PGAP4: variants seen among roughly 807,000 people sequenced by gnomAD.
The protein encoded by PGAP4 is GPI-N-acetylgalactosamine transferase PGAP4.
Under a neutral mutation model 28.2 loss-of-function variants are expected in PGAP4, and 12 were observed. The ratio of observed to expected loss-of-function variants is 0.42; its 90% CI spans 0.27 to 0.69. PGAP4 has a LOEUF of 0.69. PGAP4 is among the 30% of genes least tolerant of loss of function. The probability of loss-of-function intolerance (pLI) is 0.22; values close to 1 mark genes in which losing one functional copy is unlikely to be tolerated. For synonymous variants in PGAP4, 205 were observed against 211.8 expected, an observed-to-expected ratio of 0.97 and a Z score of 0.28; for missense variants, 425 against 513.5, an observed-to-expected ratio of 0.83 and a Z score of 1.67.
At chr9:101,505,673 GT>G (rs1473564767) in intron 2 of PGAP4, among the ~76,000 whole-genome samples, 1 of 152,074 alleles carries the variant, frequency 6.6e-6, no homozygotes, top group Non-Finnish European at 1.5e-5. Flanking sequence ...GAGGGCTAGA[GT>G]TAAAGAATTT....
chr9:101,491,821 A>ATG (rs1554708970), upstream of PGAP4, among the ~76,000 whole-genome samples: 3 of 84,750 alleles, frequency 3.5e-5, no homozygotes, highest in Non-Finnish European at 8.2e-5. Context: ...GGATATATAT[A>ATG]TATATATATA....
chr9:101,477,026 T>G lies in PGAP4; in HGVS notation c.67A>C (p.Thr23Pro). The G allele has an allele frequency of 6.2e-7, 1 of 1,613,158 alleles. No homozygotes were observed. Among genetic ancestry groups the G allele is most frequent in the Non-Finnish European group, 8.5e-7 (1 of 1,179,786 alleles). Residue 23 changes from threonine (T) to proline (P), a missense_variant, in exon 2 of 2, where the codon ACT becomes CCT. Thr to Pro is a conservative substitution (Grantham distance 38). Coordinates refer to ENST00000374848, the MANE Select transcript of PGAP4 (RefSeq NM_032342.3). ...RRLRRLSWGS[T>P]AVQLFILTVV... ...GTTAGGATGAAGAGCTGGACAGCAG[T>G]GCTGCCCCAGGAGAGTCGCCGCAGC...
intron 1 of PGAP4, chr9:101,479,750 C>T (rs1266999507): frequency 6.6e-6 from 1 of 152,220 alleles, no homozygotes; most frequent in Non-Finnish European, 1.5e-5. Flanking sequence ...GTATTTCTTG[C>T]ATACGGGTTT....
rs766662084 is a variant in PGAP4, at chr9:101,474,899, G to C, written c.*982C>G. ...AGGTGAAGAAATTGAGACCCAGAGT[G>C]ATTATATGACCTGCCCAAGGTGGTC... On this transcript the variant is annotated 3_prime_UTR_variant, in exon 2 of 2. Coordinates refer to ENST00000374848, the MANE Select transcript of PGAP4 (RefSeq NM_032342.3). 4.6e-5 allele frequency: 7 copies of C among 151,678 alleles called. No homozygotes were observed. The highest frequency in any genetic ancestry group is 8.8e-5 in the Non-Finnish European group (6 of 67,996). 9.4% of individuals were successfully genotyped at this position (151,678 alleles called of 1,614,324 possible).
chr9:101,496,134 AGTTACAC>A (rs1826745803), intron 2 of PGAP4, among the ~76,000 whole-genome samples: 1 of 151,556 alleles, frequency 6.6e-6, no homozygotes, highest in African/African-American at 2.4e-5. Context: ...TAAAGAATCA[AGTTACAC>A]TGGAGGAAAA....
chr9:101,506,601 T>A (rs752499602), intron 2 of PGAP4, among the ~76,000 whole-genome samples: 7 of 152,050 alleles, frequency 4.6e-5, no homozygotes, highest in Non-Finnish European at 1.0e-4. Context: ...CCATCTGTCC[T>A]AGATACAGAG....
At chr9:101,506,620 C>T (rs961226415) in intron 2 of PGAP4, among the ~76,000 whole-genome samples, 68 of 152,118 alleles carry the variant, frequency 4.5e-4, no homozygotes, top group African/African-American at 8.7e-4. Flanking sequence ...AGGAAGAGGA[C>T]GGTCTACAAA....
At chr9:101,528,863 G>T (rs1827059350) in intron 2 of PGAP4, among the ~76,000 whole-genome samples, 2 of 151,398 alleles carry the variant, frequency 1.3e-5, no homozygotes, top group Non-Finnish European at 2.9e-5. Flanking sequence ...TGTCATGGGG[G>T]TTTGTTGTAC....
chr9:101,524,669 T>C (rs1827018713), intron 2 of PGAP4, among the ~76,000 whole-genome samples: 1 of 152,206 alleles, frequency 6.6e-6, no homozygotes, highest in Non-Finnish European at 1.5e-5. Flanking sequence ...CCTCTACCCC[T>C]GTATTTCACT....
intron 2 of PGAP4, among the ~76,000 whole-genome samples, chr9:101,529,119 C>T (rs1443290979): frequency 1.3e-5 from 2 of 148,298 alleles, no homozygotes; most frequent in Non-Finnish European, 3.0e-5. Flanking sequence ...GACATGATGT[C>T]ATTCTTTTTT....
chr9:101,530,913 T>G (rs546834409), intron 2 of PGAP4, among the ~76,000 whole-genome samples: 36 of 152,178 alleles, frequency 2.4e-4, no homozygotes, highest in Admixed American at 6.5e-4. Flanking sequence ...TTGTTTGTTT[T>G]TTTGGATGAG....
At chr9:101,508,169 A>G (rs1044825302) in intron 2 of PGAP4, among the ~76,000 whole-genome samples, 2 of 146,712 alleles carry the variant, frequency 1.4e-5, no homozygotes, top group Non-Finnish European at 3.0e-5. Context: ...GTTAAAGATC[A>G]GGAAGAAAAC....
At chr9:101,517,549 T>C (rs1420454443) in intron 2 of PGAP4, among the ~76,000 whole-genome samples, 1 of 152,144 alleles carries the variant, frequency 6.6e-6, no homozygotes, top group Non-Finnish European at 1.5e-5. Context: ...ATATGTGCTT[T>C]TAGAGGGGTA....
rs1826904649 is a variant in PGAP4, at chr9:101,512,300, A to C, written c.-165+19048T>G. On this transcript the variant is annotated intron_variant, in intron 2 of 3. Coordinates refer to the PGAP4 transcript ENST00000374851. ...TCCCAAAGGCCAGTTTTTCCTAAAA[A>C]TACGAGATTCACAGCAGCCAATCAG... Among the ~76,000 whole-genome samples the C allele has an allele frequency of 2.6e-5, 4 of 152,164 alleles. No homozygotes were observed. The South Asian group carries it at 8.3e-4, about 32-fold the overall frequency.
At chr9:101,500,011 A>T (rs2118591848) in intron 2 of PGAP4, among the ~76,000 whole-genome samples, 1 of 152,052 alleles carries the variant, frequency 6.6e-6, no homozygotes, top group Admixed American at 6.6e-5. Flanking sequence ...TTTAAATTTC[A>T]TCATTTGTCT....
rs1018127734 is a variant in PGAP4, at chr9:101,486,354, T to C, written c.-78+595A>G. On this transcript the variant is annotated intron_variant, in intron 1 of 1. Transcript: ENST00000374848. This position sits in a 1 kb window ranked among gnomAD's most constrained non-coding sequence, Gnocchi z 4.7. ...CTCCTTCCCTTCTGCTGGTTTTTCC[T>C]GGTCCTGGGAGGGACGCCTTCCTCT... Among the ~76,000 whole-genome samples, 1 of 152,204 alleles carries C rather than the reference T, an allele frequency of 6.6e-6. No homozygotes were observed. The highest frequency in any genetic ancestry group is 1.5e-5 in the Non-Finnish European group (1 of 68,020).
upstream of PGAP4, chr9:101,487,180 G>T (rs1385129638): frequency 6.6e-6 from 1 of 152,232 alleles, no homozygotes; most frequent in Non-Finnish European, 1.5e-5. Flanking sequence ...AGAGACCGCG[G>T]CCCCCAAAGC....
chr9:101,522,457 A>G (rs1156820416), intron 2 of PGAP4, among the ~76,000 whole-genome samples: 3 of 152,288 alleles, frequency 2.0e-5, no homozygotes, highest in Non-Finnish European at 4.4e-5. Context: ...GCCTTTTACC[A>G]TTATATAATG....
chr9:101,520,048 A>G (rs1222738495), intron 2 of PGAP4, among the ~76,000 whole-genome samples: 1 of 151,784 alleles, frequency 6.6e-6, no homozygotes, highest in Non-Finnish European at 1.5e-5. Context: ...TTATTTCTGG[A>G]TTCTTTATTC....
Sources: gnomAD v4.1 joint callset for allele counts (sites outside exome capture counted in the v4.1 genomes callset) on GRCh38, gnomAD v4.1.1 for gene constraint, Gnocchi (gnomAD v3.1) non-coding constraint, MANE v1.5 for transcripts, NCBI Gene and HGNC (gene_info 2026-07-23, HGNC 2026-07-21) for gene names.